CATSPERB: variants seen among roughly 807,000 people sequenced by gnomAD.
CATSPERB encodes the protein cation channel sperm-associated auxiliary subunit beta.
CATSPERB carries 93 observed loss-of-function variants against 128.3 expected under a neutral mutation model. That is an observed-to-expected ratio of 0.72 (90% CI 0.61 to 0.86). CATSPERB has a LOEUF of 0.86. Among genes scored for constraint, CATSPERB ranks in the 40% least tolerant of loss-of-function variants. CATSPERB has a pLI of 0.00. For synonymous variants in CATSPERB, 381 were observed against 448.8 expected (o/e 0.85, Z 1.91); for missense variants, 1,153 against 1,329.5 (o/e 0.87, Z 2.06).
chr14:91,715,900 A>T (rs1207585491), intron 5 of CATSPERB, among the ~76,000 whole-genome samples: 4 of 152,176 alleles, frequency 2.6e-5, no homozygotes, highest in Non-Finnish European at 5.9e-5. Flanking sequence ...AAAAATTAAC[A>T]TTGGCCCATA....
intron 22 of CATSPERB, among the ~76,000 whole-genome samples, chr14:91,596,898 T>C (rs2139764722): frequency 6.6e-6 from 1 of 152,120 alleles, no homozygotes; most frequent in East Asian, 1.9e-4. Flanking sequence ...AATTTTTTTT[T>C]TTTTTTGAGA....
Position 91,617,695 on chromosome 14 carries a change from C to T in CATSPERB, c.2302G>A (p.Gly768Arg). ...GTAACTTCCAACAAATTAGGGTTTC[C>T]AACAAACACAGTCAGTAGTGGTATT... ...LEIPLLTVFVGNPNLLEVTAE... is the reference protein window; with the variant it reads ...LEIPLLTVFVRNPNLLEVTAE... The change falls in exon 20 of 27, where the codon GGA becomes AGA. Residue 768 changes from glycine to arginine, a missense_variant. Physicochemically the swap from Gly to Arg is moderately radical, Grantham distance 125 (BLOSUM62 -2). Transcript: ENST00000256343. 1 of 1,602,646 alleles carries T rather than the reference C, an allele frequency of 6.2e-7. No individual in the cohort carries two copies. The highest frequency in any genetic ancestry group is 8.5e-7 in the Non-Finnish European group (1 of 1,175,898).
intron 15 of CATSPERB, among the ~76,000 whole-genome samples, chr14:91,657,395 T>TA (rs34023185): frequency 6.6e-5 from 10 of 151,352 alleles, no homozygotes; most frequent in South Asian, 2.1e-4. Flanking sequence ...CTAAAAACTA[T>TA]AAAAAAAAAC....
intron 14 of CATSPERB, among the ~76,000 whole-genome samples, chr14:91,664,661 G>T (rs12432924): frequency 9.6e-4 from 146 of 152,282 alleles, no homozygotes; most frequent in African/African-American, 3.2e-3. Flanking sequence ...CATCTTGGTT[G>T]CTGTACAACC....
intron 22 of CATSPERB, chr14:91,603,547 C>T: frequency 1.4e-6 from 1 of 737,008 alleles, no homozygotes; most frequent in East Asian, 2.5e-5. Context: ...GGCAGAGGAC[C>T]CCACCGCTCT....
intron 22 of CATSPERB, among the ~76,000 whole-genome samples, chr14:91,606,675 G>A (rs1014312020): frequency 6.6e-6 from 1 of 152,200 alleles, no homozygotes; most frequent in Non-Finnish European, 1.5e-5. Flanking sequence ...ATGTCTTTTT[G>A]CTTAAGATAT....
chr14:91,684,598 G>A (rs1175504238), intron 10 of CATSPERB, among the ~76,000 whole-genome samples: 1 of 147,156 alleles, frequency 6.8e-6, no homozygotes, highest in Non-Finnish European at 1.5e-5. Flanking sequence ...CACATGAGGA[G>A]ACACTTCTTT....
chr14:91,672,959 G>C lies in CATSPERB; in HGVS notation c.1036C>G (p.His346Asp). ...AAAATTTTTATTCCTTTAAAAATGT[G>C]AGGTAAGCAGGGTACCCATTCAAGA... The part of the protein sequence containing the change: ...PFLEWVPCLP[H>D]IFKGIKIFPT... Residue 346 changes from histidine to aspartate, a missense_variant, in exon 13 of 27, where the codon CAC becomes GAC. Physicochemically the swap from His to Asp is moderately conservative, Grantham distance 81. Coordinates refer to ENST00000256343, the MANE Select transcript of CATSPERB (RefSeq NM_024764.4). 6.2e-7 allele frequency: 1 copy of C among 1,600,010 alleles called. No individual in the cohort carries two copies. Among genetic ancestry groups the C allele is most frequent in the Non-Finnish European group, 8.5e-7 (1 of 1,176,874 alleles).
intron 15 of CATSPERB, among the ~76,000 whole-genome samples, chr14:91,649,650 G>C (rs1252522929): frequency 8.9e-6 from 1 of 111,734 alleles, no homozygotes. Context: ...ACGCCCGCCA[G>C]CATGCACATT....
Position 91,610,477 on chromosome 14 carries a change from T to TA in CATSPERB, c.2598+2dup, listed in dbSNP as rs773230750. 3 of 1,608,276 alleles carry TA rather than the reference T, an allele frequency of 1.9e-6. No individual in the cohort carries two copies. Among genetic ancestry groups the TA allele is most frequent in the South Asian group, 2.2e-5 (2 of 89,888 alleles). On this transcript the variant is annotated splice_region_variant and intron_variant, in intron 21 of 26. Transcript: ENST00000256343. ...ACCAATATACTTAGATTTTTTTTTT[T>TA]ACCGGCAAAGTTTTGATGAGGTTAA...
intron 23 of CATSPERB, among the ~76,000 whole-genome samples, chr14:91,590,194 T>C (rs764184493): frequency 1.6e-4 from 24 of 152,176 alleles, no homozygotes; most frequent in Middle Eastern, 3.2e-3. Flanking sequence ...TGAAACATTA[T>C]TTTGGTTCAG....
At chr14:91,712,142 G>T (rs567680693) in intron 5 of CATSPERB, among the ~76,000 whole-genome samples, 1 of 152,114 alleles carries the variant, frequency 6.6e-6, no homozygotes, top group East Asian at 1.9e-4. Context: ...ATTACAGTAA[G>T]TTCTCACTTA....
intron 14 of CATSPERB, 63 bp from the exon 15 acceptor site, chr14:91,660,044 A>G (rs1894848618): frequency 6.9e-7 from 1 of 1,451,106 alleles, no homozygotes; most frequent in Non-Finnish European, 9.2e-7. Flanking sequence ...GCAGTTACCT[A>G]TCAGCCTACA....
At chr14:91,687,976 C>T (rs1433346514) in intron 10 of CATSPERB, among the ~76,000 whole-genome samples, 2 of 149,468 alleles carry the variant, frequency 1.3e-5, no homozygotes, top group Non-Finnish European at 3.0e-5. Context: ...AAATCCTTAT[C>T]TAGTACTCCA....
intron 15 of CATSPERB, among the ~76,000 whole-genome samples, chr14:91,651,629 A>G (rs916261536): frequency 3.3e-5 from 5 of 152,250 alleles, no homozygotes; most frequent in African/African-American, 1.2e-4. Flanking sequence ...ACAGATGACC[A>G]CTTATGCCTG....
intron 11 of CATSPERB, among the ~76,000 whole-genome samples, chr14:91,678,485 A>G (rs991349919): frequency 1.3e-5 from 2 of 152,220 alleles, no homozygotes; most frequent in Admixed American, 1.3e-4. Context: ...GTTTAGATAT[A>G]TTTATGTGAT....
intron 7 of CATSPERB, among the ~76,000 whole-genome samples, chr14:91,703,059 G>C (rs1190948588): frequency 6.6e-6 from 1 of 151,884 alleles, no homozygotes; most frequent in South Asian, 2.1e-4. Context: ...TTTGTTCTGA[G>C]TTTTTCTACA....
At chr14:91,660,029 A>G (rs370839436) in intron 14 of CATSPERB, 48 bp from the exon 15 acceptor site, 2 of 1,510,244 alleles carry the variant, frequency 1.3e-6, no homozygotes, top group African/African-American at 2.8e-5. Context: ...GCCATGCAAC[A>G]GTTGGCAGTT....
intron 18 of CATSPERB, among the ~76,000 whole-genome samples, chr14:91,624,123 G>A (rs981456234): frequency 5.9e-5 from 9 of 152,148 alleles, no homozygotes; most frequent in African/African-American, 1.9e-4. Flanking sequence ...TGAGGCAGGC[G>A]GATCACTCGA....
Sources: gnomAD v4.1 joint callset for allele counts (sites outside exome capture counted in the v4.1 genomes callset) on GRCh38, gnomAD v4.1.1 for gene constraint, MANE v1.5 for transcripts, NCBI Gene and HGNC (gene_info 2026-07-23, HGNC 2026-07-21) for gene names.